FAM107B: variants seen among roughly 807,000 people sequenced by gnomAD.
FAM107B encodes protein FAM107B.
Under a neutral mutation model 31.5 loss-of-function variants are expected in FAM107B, and 21 were observed. The observed-to-expected ratio is 0.67, with a 90% CI of 0.47 to 0.96. FAM107B has a LOEUF of 0.96. Ranked by LOEUF, FAM107B falls within the 40% of genes least tolerant of loss-of-function variation. The pLI, the probability that FAM107B is intolerant of heterozygous loss-of-function variation, is 0.00. For missense variants in FAM107B, 452 were observed against 377.1 expected, an observed-to-expected ratio of 1.20 and a Z score of -1.64; for synonymous variants, 157 against 141.5, an observed-to-expected ratio of 1.11 and a Z score of -0.78.
intron 1 of FAM107B, among the ~76,000 whole-genome samples, chr10:14,768,736 C>G (rs1331625656): frequency 6.6e-6 from 1 of 152,178 alleles, no homozygotes; most frequent in Non-Finnish European, 1.5e-5. Flanking sequence ...TCCATGCTTT[C>G]CAACAAATTT....
At chr10:14,620,072 T>G (rs1193324128) in intron 2 of FAM107B, among the ~76,000 whole-genome samples, 2 of 143,660 alleles carry the variant, frequency 1.4e-5, no homozygotes, top group Non-Finnish European at 3.0e-5. Context: ...CAGGCTGGAG[T>G]GCAGTGGCAC....
intron 1 of FAM107B, among the ~76,000 whole-genome samples, chr10:14,668,346 T>C (rs1854461316): frequency 6.6e-6 from 1 of 151,964 alleles, no homozygotes. Flanking sequence ...CCAGGCCAGG[T>C]TTTTCATAAA....
chr10:14,665,428 T>C (rs1263972684), intron 2 of FAM107B, among the ~76,000 whole-genome samples: 1 of 152,198 alleles, frequency 6.6e-6, no homozygotes, highest in African/African-American at 2.4e-5. Context: ...AAGTCTTTAG[T>C]GAGTAATGAT....
intron 1 of FAM107B, among the ~76,000 whole-genome samples, chr10:14,767,024 G>GTGTATATATATATATATATATATATATA (rs1219301209): frequency 6.2e-5 from 1 of 16,240 alleles, no homozygotes; most frequent in Non-Finnish European, 2.3e-4. Flanking sequence ...TGATGTGTAT[G>GTGTATATATATATATATATATATATATA]TATATATATA....
chr10:14,698,174 C>T (rs2131519474), intron 1 of FAM107B, among the ~76,000 whole-genome samples: 1 of 152,032 alleles, frequency 6.6e-6, no homozygotes, highest in East Asian at 1.9e-4. Context: ...ATAATGTATG[C>T]TCAGAGTAAT....
At chr10:14,551,392 GC>G (rs1403761175) in intron 2 of FAM107B, among the ~76,000 whole-genome samples, 5 of 152,100 alleles carry the variant, frequency 3.3e-5, no homozygotes, top group Non-Finnish European at 7.4e-5. Context: ...TGATCTGCCC[GC>G]CTTGGTCTCC....
intron 2 of FAM107B, chr10:14,534,904 G>A (rs1847448791): frequency 6.6e-6 from 1 of 152,202 alleles, no homozygotes; most frequent in African/African-American, 2.4e-5. Flanking sequence ...AAGTAACAAA[G>A]GCATGGGCTA....
chr10:14,663,688 C>T (rs1854318108), intron 2 of FAM107B, among the ~76,000 whole-genome samples: 2 of 152,082 alleles, frequency 1.3e-5, no homozygotes, highest in African/African-American at 4.8e-5. Context: ...AAGGTTCCAT[C>T]TTTCAATCAC....
At chr10:14,623,768 G>T (rs1012843829) in intron 2 of FAM107B, among the ~76,000 whole-genome samples, 1 of 152,214 alleles carries the variant, frequency 6.6e-6, no homozygotes, top group Non-Finnish European at 1.5e-5. Context: ...GGAGGCCGCA[G>T]TGAGCTGAGA....
intron 2 of FAM107B, among the ~76,000 whole-genome samples, chr10:14,593,122 C>T (rs966890081): frequency 1.3e-5 from 2 of 152,196 alleles, no homozygotes; most frequent in Middle Eastern, 6.8e-3. Context: ...AAGATTTGAA[C>T]GAAGTCTTTT....
At chr10:14,575,189 T>C (rs948750188) in intron 2 of FAM107B, among the ~76,000 whole-genome samples, 15 of 149,530 alleles carry the variant, frequency 1.0e-4, no homozygotes, top group African/African-American at 3.4e-4. Context: ...GATCACACGC[T>C]AAAGAAGCTT....
intron 2 of FAM107B, among the ~76,000 whole-genome samples, chr10:14,667,199 G>A (rs916570562): frequency 6.6e-6 from 1 of 151,964 alleles, no homozygotes; most frequent in African/African-American, 2.4e-5. Context: ...TCCTATTGTG[G>A]CATAAATCAC....
intron 1 of FAM107B, among the ~76,000 whole-genome samples, chr10:14,746,633 T>C (rs1832730903): frequency 6.6e-6 from 1 of 152,200 alleles, no homozygotes; most frequent in Non-Finnish European, 1.5e-5. Context: ...CCAATGTCTT[T>C]TGACTTGTTG....
intron 2 of FAM107B, among the ~76,000 whole-genome samples, chr10:14,595,129 C>A (rs1852144190): frequency 6.6e-6 from 1 of 151,338 alleles, no homozygotes; most frequent in South Asian, 2.1e-4. Context: ...ACTGCAAAGT[C>A]TAAAAACTGG....
intron 2 of FAM107B, among the ~76,000 whole-genome samples, chr10:14,543,595 T>C (rs1848432780): frequency 6.6e-6 from 1 of 150,516 alleles, no homozygotes; most frequent in Admixed American, 6.7e-5. Flanking sequence ...CTGTCTACCA[T>C]GCAGCCACAA....
At chr10:14,523,674 A>T (rs1053246579) in intron 3 of FAM107B, among the ~76,000 whole-genome samples, 12 of 152,170 alleles carry the variant, frequency 7.9e-5, no homozygotes, top group Non-Finnish European at 2.9e-5. Flanking sequence ...CGGCCAGAGA[A>T]ATTCAACAGC....
intron 2 of FAM107B, among the ~76,000 whole-genome samples, chr10:14,656,618 G>A (rs1854063594): frequency 6.6e-6 from 1 of 152,190 alleles, no homozygotes; most frequent in Admixed American, 6.5e-5. Flanking sequence ...CCTCCAGGAT[G>A]CAAACAGTTA....
intron 1 of FAM107B, among the ~76,000 whole-genome samples, chr10:14,772,497 T>C (rs1022428766): frequency 1.3e-5 from 2 of 152,046 alleles, no homozygotes; most frequent in Admixed American, 1.3e-4. Flanking sequence ...CTAGAATAGA[T>C]GCCCATTTAC....
At chr10:14,543,327 C>T (rs191089388) in intron 2 of FAM107B, among the ~76,000 whole-genome samples, 38 of 152,150 alleles carry the variant, frequency 2.5e-4, no homozygotes, top group Non-Finnish European at 3.4e-4. Flanking sequence ...AAAACTAGTA[C>T]GTAAATTCTA....
Sources: gnomAD v4.1 joint callset for allele counts (sites outside exome capture counted in the v4.1 genomes callset) on GRCh38, gnomAD v4.1.1 for gene constraint, MANE v1.5 for transcripts, NCBI Gene and HGNC (gene_info 2026-07-23, HGNC 2026-07-21) for gene names.